Variants in ZNF490 observed in about 807,000 individuals in gnomAD.
The protein encoded by ZNF490 is zinc finger protein 490.
Under a neutral mutation model 17.7 loss-of-function variants are expected in ZNF490, and 11 were observed. The observed-to-expected ratio is 0.62, with a 90% CI of 0.39 to 1.03. The LOEUF (loss-of-function observed/expected upper bound fraction) is 1.03, where lower values mean the gene tolerates loss of function less well. Among genes scored for constraint, ZNF490 ranks in the 50% least tolerant of loss-of-function variants. The pLI, the probability that ZNF490 is intolerant of heterozygous loss-of-function variation, is 0.00. For missense variants in ZNF490, 542 were observed against 643.4 expected (o/e 0.84, Z 1.71); for synonymous variants, 222 against 216.1 (o/e 1.03, Z -0.24).
chr19:12,598,181 G>A (rs1259449170), intron 2 of ZNF490, among the ~76,000 whole-genome samples: 4 of 151,248 alleles, frequency 2.6e-5, no homozygotes, highest in East Asian at 4.0e-4. Flanking sequence ...CCAAGATCGC[G>A]CCACTGCACT....
At chr19:12,601,402 A>C (rs942271094) in intron 2 of ZNF490, among the ~76,000 whole-genome samples, 5 of 151,748 alleles carry the variant, frequency 3.3e-5, no homozygotes, top group Admixed American at 2.6e-4. Context: ...AAAAAAAACA[A>C]AAACAAAGAA....
chr19:12,580,054 CCG>C lies in ZNF490; in HGVS notation c.*429_*430del. 1 of 778,574 alleles carries C rather than the reference CCG, an allele frequency of 1.3e-6. No homozygotes were observed. Among genetic ancestry groups the C allele is most frequent in the Non-Finnish European group, 1.6e-6 (1 of 641,076 alleles). 48.2% of individuals were successfully genotyped at this position (778,574 alleles called of 1,614,324 possible). On this transcript the variant is annotated 3_prime_UTR_variant, in exon 5 of 5. Coordinates refer to ENST00000311437, the MANE Select transcript of ZNF490 (RefSeq NM_020714.3). ...TCCGGGAGGCGGAGGTTGCGGTGAG[CCG>C]CGATCGCACCACTGCACTCCAGCCT...
At chr19:12,598,468 G>A (rs56333207) in intron 2 of ZNF490, among the ~76,000 whole-genome samples, 2 of 150,242 alleles carry the variant, frequency 1.3e-5, no homozygotes, top group Admixed American at 6.6e-5. Context: ...TCCGCCTCCC[G>A]GGTTCAAGCG....
At chr19:12,600,348 A>G (rs189469738) in intron 2 of ZNF490, among the ~76,000 whole-genome samples, 42 of 152,222 alleles carry the variant, frequency 2.8e-4, no homozygotes, top group African/African-American at 9.4e-4. Context: ...CCTGAGCGAA[A>G]GAGCGAGACT....
intron 2 of ZNF490, among the ~76,000 whole-genome samples, chr19:12,599,695 G>A (rs2022978048): frequency 6.6e-6 from 1 of 152,144 alleles, no homozygotes; most frequent in Admixed American, 6.6e-5. Context: ...TTACATGCAA[G>A]GTGTGTAAGG....
chr19:12,583,005 G>C, intron 3 of ZNF490, 95 bp from the exon 4 acceptor site: 10 of 989,844 alleles, frequency 1.0e-5, no homozygotes, highest in African/African-American at 1.7e-5. Context: ...GATTAGCTAT[G>C]ACACTGTCTG....
intron 2 of ZNF490, among the ~76,000 whole-genome samples, chr19:12,589,248 T>C (rs1014029663): frequency 5.3e-5 from 8 of 152,142 alleles, no homozygotes; most frequent in Admixed American, 1.3e-4. Flanking sequence ...TCCCAGCTAC[T>C]TGGGAGGCTG....
chr19:12,595,787 T>C (rs1158648109), intron 2 of ZNF490, among the ~76,000 whole-genome samples: 1 of 151,650 alleles, frequency 6.6e-6, no homozygotes, highest in Admixed American at 6.6e-5. Context: ...CCATCTCTAC[T>C]AAAAATACAA....
chr19:12,583,044 C>A, intron 3 of ZNF490, 134 bp from the exon 4 acceptor site: 8 of 732,866 alleles, frequency 1.1e-5, no homozygotes, highest in Non-Finnish European at 1.7e-5. Flanking sequence ...TCTCTTCCCA[C>A]ATTTTTTTTT....
chr19:12,592,477 A>G (rs987174084), intron 2 of ZNF490, among the ~76,000 whole-genome samples: 6 of 152,156 alleles, frequency 3.9e-5, no homozygotes, highest in South Asian at 2.1e-4. Context: ...AAATGGTTAT[A>G]TACTGTGTAG....
At chr19:12,608,315 G>A (rs753285198) in intron 2 of ZNF490, among the ~76,000 whole-genome samples, 10 of 151,954 alleles carry the variant, frequency 6.6e-5, no homozygotes, top group Non-Finnish European at 1.0e-4. Flanking sequence ...ACAGGGTCTC[G>A]CTCTGTTGCC....
At chr19:12,607,296 T>A (rs2023080244) in intron 2 of ZNF490, among the ~76,000 whole-genome samples, 1 of 151,482 alleles carries the variant, frequency 6.6e-6, no homozygotes, top group South Asian at 2.1e-4. Context: ...GTTCAAGCAA[T>A]TCTCCTGCCT....
Position 12,600,565 on chromosome 19 carries a change from G to A in ZNF490, c.162+8593C>T, listed in dbSNP as rs144610888. ...AATGATGGAAAACTCTTGTAATTCT[G>A]ATATATCAGTGTATGTTATCAGTAA... is the stretch of plus-strand genomic sequence containing the variant. On this transcript the variant is annotated intron_variant, in intron 2 of 4. Coordinates refer to ENST00000311437, the MANE Select transcript of ZNF490 (RefSeq NM_020714.3). Among the ~76,000 whole-genome samples, 437 of 152,114 alleles carry A rather than the reference G, an allele frequency of 2.9e-3. 1 individual carries two copies. The highest frequency in any genetic ancestry group is 0.01 in the African/African-American group (418 of 41,488).
intron 2 of ZNF490, among the ~76,000 whole-genome samples, chr19:12,604,427 G>A (rs751221171): frequency 5.9e-5 from 9 of 152,098 alleles, no homozygotes; most frequent in Non-Finnish European, 1.0e-4. Context: ...CAAGGTGGGC[G>A]GATCATGAGG....
At chr19:12,599,029 G>C (rs1426426164) in intron 2 of ZNF490, among the ~76,000 whole-genome samples, 1 of 145,736 alleles carries the variant, frequency 6.9e-6, no homozygotes, top group Non-Finnish European at 1.5e-5. Context: ...CGGGGTGCCT[G>C]TGATCCCAGC....
intron 2 of ZNF490, among the ~76,000 whole-genome samples, chr19:12,593,581 T>TGCAA (rs2022897273): frequency 1.3e-5 from 2 of 152,142 alleles, no homozygotes; most frequent in South Asian, 2.1e-4. Context: ...ACTACAAAGG[T>TGCAA]GCAACTCTTA....
In ZNF490 at chr19:12,585,786, T is replaced by A. The variant is rs2145145639; in HGVS notation, c.163-2230A>T. On this transcript the variant is annotated intron_variant, in intron 2 of 4. Coordinates refer to ENST00000311437, the MANE Select transcript of ZNF490 (RefSeq NM_020714.3). ...CTCACTACAACCCCTGCCTCCAGCATTCAAGCAGTTCTCCTGCCTCAGCCA... is the reference window on the plus strand; with the variant it reads ...CTCACTACAACCCCTGCCTCCAGCAATCAAGCAGTTCTCCTGCCTCAGCCA... Among the ~76,000 whole-genome samples the A allele has an allele frequency of 2.1e-5, 2 of 93,166 alleles. 1 individual carries two copies. Among genetic ancestry groups the A allele is most frequent in the Middle Eastern group, 0.012 (2 of 172 alleles). 61.1% of individuals were successfully genotyped at this position (93,166 alleles called of 152,430 possible).
chr19:12,582,556 G>C (rs1304099480), intron 4 of ZNF490, among the ~76,000 whole-genome samples: 1 of 152,034 alleles, frequency 6.6e-6, no homozygotes, highest in South Asian at 2.1e-4. Flanking sequence ...CACCACGCCC[G>C]GCTAATTTTT....
At chr19:12,595,660 G>T (rs2022923848) in intron 2 of ZNF490, among the ~76,000 whole-genome samples, 1 of 152,068 alleles carries the variant, frequency 6.6e-6, no homozygotes, top group Non-Finnish European at 1.5e-5. Context: ...GGCATTAAAA[G>T]GTTTCAGGGC....
Sources: allele counts gnomAD v4.1 joint callset (sites outside exome capture counted in the v4.1 genomes callset), GRCh38; gene constraint gnomAD v4.1.1; transcripts MANE v1.5; gene names NCBI Gene and HGNC (gene_info 2026-07-23, HGNC 2026-07-21).